The following SLC4A4 variants were observed in gnomAD, a reference collection of about 807,000 sequenced individuals.
The protein encoded by SLC4A4 is solute carrier family 4 member 4.
Under a neutral mutation model 111.5 loss-of-function variants are expected in SLC4A4, and 27 were observed. That is an observed-to-expected ratio of 0.24 (90% confidence interval 0.18 to 0.33). The LOEUF (loss-of-function observed/expected upper bound fraction) is 0.33, where lower values mean the gene tolerates loss of function less well. Among genes scored for constraint, SLC4A4 ranks in the 10% least tolerant of loss-of-function variants. The probability of loss-of-function intolerance (pLI) is 1.00; values close to 1 mark genes in which losing one functional copy is unlikely to be tolerated. For synonymous variants in SLC4A4, 443 were observed against 463.4 expected (o/e 0.96, Z 0.57); for missense variants, 909 against 1,315.5 (o/e 0.69, Z 4.78).
intron 6 of SLC4A4, among the ~76,000 whole-genome samples, chr4:71,397,130 C>T (rs1164843978): frequency 6.6e-6 from 1 of 152,062 alleles, no homozygotes; most frequent in Non-Finnish European, 1.5e-5. Context: ...CTGCAAAGGC[C>T]TGGGGGAGAG....
intron 1 of SLC4A4, among the ~76,000 whole-genome samples, chr4:71,062,953 A>T (rs758525810): frequency 2.0e-5 from 3 of 152,200 alleles, no homozygotes; most frequent in Admixed American, 6.5e-5. Context: ...ATCTAGAAAA[A>T]GGTGCAAATA....
At chr4:71,198,874 A>C (rs1346460476) in intron 1 of SLC4A4, among the ~76,000 whole-genome samples, 1 of 152,228 alleles carries the variant, frequency 6.6e-6, no homozygotes, top group Non-Finnish European at 1.5e-5. Context: ...TTAAGTTTAT[A>C]CAGTGGGTAT....
chr4:71,080,929 G>A (rs1442477026), intron 1 of SLC4A4, among the ~76,000 whole-genome samples: 1 of 152,098 alleles, frequency 6.6e-6, no homozygotes, highest in Non-Finnish European at 1.5e-5. Context: ...AAATACATAA[G>A]TGGAAATATT....
chr4:71,447,525 T>C, intron 8 of SLC4A4, 121 bp from the exon 9 acceptor site: 1 of 719,956 alleles, frequency 1.4e-6, no homozygotes, highest in Non-Finnish European at 2.6e-6. Context: ...ATTACCTTTG[T>C]TTTAAAGGTG....
At chr4:71,268,075 GTTTT>G (rs10657146) in intron 3 of SLC4A4, among the ~76,000 whole-genome samples, 2 of 87,590 alleles carry the variant, frequency 2.3e-5, no homozygotes, top group Non-Finnish European at 4.0e-5. Flanking sequence ...ATAAAGTAGT[GTTTT>G]TTTTTTTTTT....
intron 2 of SLC4A4, among the ~76,000 whole-genome samples, chr4:71,152,461 GT>G (rs1328277911): frequency 1.3e-5 from 2 of 152,078 alleles, no homozygotes; most frequent in Middle Eastern, 3.2e-3. Flanking sequence ...TCGAGATTAT[GT>G]TTTTGAGAAT....
intron 16 of SLC4A4, among the ~76,000 whole-genome samples, chr4:71,520,682 T>C (rs979769868): frequency 6.6e-6 from 1 of 152,228 alleles, no homozygotes; most frequent in African/African-American, 2.4e-5. Context: ...ATAGCAATGA[T>C]TGAACCTTAC....
chr4:71,193,220 C>G (rs1180082470), intron 1 of SLC4A4, among the ~76,000 whole-genome samples: 1 of 152,166 alleles, frequency 6.6e-6, no homozygotes, highest in African/African-American at 2.4e-5. Flanking sequence ...AGTGCGGTGG[C>G]CGGATCTCGG....
At chr4:71,171,787 G>T (rs1744948364) in intron 2 of SLC4A4, among the ~76,000 whole-genome samples, 1 of 152,244 alleles carries the variant, frequency 6.6e-6, no homozygotes. Flanking sequence ...AATAGTAACT[G>T]CAATGTCAGC....
chr4:71,259,688 A>C (rs796607104), intron 3 of SLC4A4, among the ~76,000 whole-genome samples: 34 of 152,186 alleles, frequency 2.2e-4, no homozygotes, highest in African/African-American at 7.5e-4. Context: ...TTGCCCAAAA[A>C]GTGGGTGGGA....
chr4:71,223,459 G>A (rs973035359), intron 1 of SLC4A4, among the ~76,000 whole-genome samples: 4 of 152,074 alleles, frequency 2.6e-5, no homozygotes, highest in Admixed American at 6.5e-5. Context: ...CACCGTGCCC[G>A]GCCTGCACTG....
At chr4:71,407,781 G>GTT (rs564084815) in intron 7 of SLC4A4, among the ~76,000 whole-genome samples, 11 of 144,516 alleles carry the variant, frequency 7.6e-5, no homozygotes, top group African/African-American at 2.3e-4. Context: ...ACATTTCAAT[G>GTT]TTTTTTTTTT....
rs556770417 is a variant in SLC4A4, at chr4:71,297,221, C to T, written c.253+41822C>T. 3.9e-5 allele frequency among the ~76,000 whole-genome samples: 6 copies of T among 152,316 alleles called. No individual in the cohort carries two copies. The South Asian group carries it at 1.2e-3, about 32-fold the overall frequency. On this transcript the variant is annotated intron_variant, in intron 3 of 25. Coordinates refer to ENST00000264485, the MANE Select transcript of SLC4A4 (RefSeq NM_001098484.3). ...TAGAAGAATCTACATTAACTGTGCC[C>T]TGCCCAGAGGCATGCTGCTACAGCC...
At chr4:71,187,190 G>A (rs529273621), upstream of SLC4A4, 1 of 151,940 alleles carries the variant, frequency 6.6e-6, no homozygotes, top group African/African-American at 2.4e-5. Context: ...ACAACTTCCC[G>A]CGGCTCGGCC....
chr4:71,543,195 C>A (rs1316351577), intron 18 of SLC4A4, among the ~76,000 whole-genome samples: 2 of 152,030 alleles, frequency 1.3e-5, no homozygotes, highest in Non-Finnish European at 2.9e-5. Flanking sequence ...CTATTTTGGA[C>A]ACCCAGAGAA....
At chr4:71,176,965 C>A (rs1013690592) in intron 2 of SLC4A4, among the ~76,000 whole-genome samples, 1 of 152,216 alleles carries the variant, frequency 6.6e-6, no homozygotes, top group South Asian at 2.1e-4. Flanking sequence ...GCCCATCAGA[C>A]TAACAGCTGA....
chr4:71,068,808 C>A (rs1741598319), intron 1 of SLC4A4, among the ~76,000 whole-genome samples: 1 of 152,156 alleles, frequency 6.6e-6, no homozygotes, highest in Non-Finnish European at 1.5e-5. Context: ...CTCAAGTGAT[C>A]TGCCTGCCTT....
chr4:71,234,942 A>G (rs1052191133), intron 1 of SLC4A4, among the ~76,000 whole-genome samples: 5 of 152,200 alleles, frequency 3.3e-5, no homozygotes, highest in African/African-American at 1.2e-4. Flanking sequence ...ATTGTCCACC[A>G]TTGACTGGTC....
intron 3 of SLC4A4, among the ~76,000 whole-genome samples, chr4:71,264,418 A>G (rs1183338666): frequency 6.6e-6 from 1 of 152,142 alleles, no homozygotes; most frequent in Non-Finnish European, 1.5e-5. Flanking sequence ...AATTATATTT[A>G]ACTGATTCTA....
Sources: gnomAD v4.1 joint callset for allele counts (sites outside exome capture counted in the v4.1 genomes callset) on GRCh38, gnomAD v4.1.1 for gene constraint, MANE v1.5 for transcripts, NCBI Gene and HGNC (gene_info 2026-07-23, HGNC 2026-07-21) for gene names.